Variants in ZNF516 observed in about 807,000 individuals in gnomAD.
The protein encoded by ZNF516 is zinc finger protein 516.
ZNF516 carries 19 observed loss-of-function variants against 79.7 expected under a neutral mutation model. The ratio of observed to expected loss-of-function variants is 0.24; its 90% CI spans 0.17 to 0.35. The LOEUF (loss-of-function observed/expected upper bound fraction) is 0.35. Ranked by LOEUF, ZNF516 falls within the 10% of genes least tolerant of loss-of-function variation. The pLI, the probability that ZNF516 is intolerant of heterozygous loss-of-function variation, is 1.00. For missense variants in ZNF516, 1,678 were observed against 1,679.5 expected (o/e 1.00, Z 0.02); for synonymous variants, 877 against 739.5 (o/e 1.19, Z -3.02).
At position 76,442,390 on chromosome 18, in the gene ZNF516, T is replaced by G; in HGVS notation, c.665A>C (p.Asp222Ala). Residue 222 changes from aspartate (D) to alanine (A), a missense_variant, in exon 3 of 7, where the codon GAC becomes GCC. Coordinates refer to ENST00000443185, the MANE Select transcript of ZNF516 (RefSeq NM_014643.4). Reference sequence around the variant, plus strand: ...GCCGGGCCCCTGCGCGGTGATGTGGTCCCTCTCGATGTGGCTCAGCAGCGA... The same window carrying G: ...GCCGGGCCCCTGCGCGGTGATGTGGGCCCTCTCGATGTGGCTCAGCAGCGA... The part of the protein sequence containing the change: ...EESLLSHIER[D>A]HITAQGPGSG... 6.2e-7 allele frequency: 1 copy of G among 1,608,512 alleles called. No homozygotes were observed. The highest frequency in any genetic ancestry group is 8.5e-7 in the Non-Finnish European group (1 of 1,179,604).
chr18:76,464,971 G>A (rs978775048), intron 1 of ZNF516, among the ~76,000 whole-genome samples: 5 of 152,136 alleles, frequency 3.3e-5, no homozygotes, highest in South Asian at 2.1e-4. Context: ...GGATACAGCC[G>A]TGCATCCGAT....
intron 3 of ZNF516, among the ~76,000 whole-genome samples, chr18:76,385,163 C>T (rs561139033): frequency 3.4e-4 from 52 of 152,326 alleles, no homozygotes; most frequent in Non-Finnish European, 4.6e-4. Flanking sequence ...GCTCTGTCCT[C>T]GGCTCAAACA....
chr18:76,422,444 T>G (rs1451614776), intron 3 of ZNF516, among the ~76,000 whole-genome samples: 1 of 152,266 alleles, frequency 6.6e-6, no homozygotes, highest in African/African-American at 2.4e-5. Context: ...AAGCTAAATG[T>G]AGGATTCAGA....
At chr18:76,418,916 G>A (rs1346044598) in intron 3 of ZNF516, among the ~76,000 whole-genome samples, 1 of 152,266 alleles carries the variant, frequency 6.6e-6, no homozygotes, top group Non-Finnish European at 1.5e-5. Context: ...CTGCAGGGCA[G>A]ATGGGTGCCC....
At chr18:76,369,905 G>GC (rs2074674731) in intron 6 of ZNF516, among the ~76,000 whole-genome samples, 1 of 152,216 alleles carries the variant, frequency 6.6e-6, no homozygotes, top group African/African-American at 2.4e-5. Context: ...CCCGCTGCGG[G>GC]CTGTGGGTGC....
chr18:76,399,618 G>C (rs1377406530), intron 3 of ZNF516, among the ~76,000 whole-genome samples: 1 of 152,224 alleles, frequency 6.6e-6, no homozygotes, highest in East Asian at 1.9e-4. Context: ...CGAAAGCCTG[G>C]GTGCGTTCTA....
At chr18:76,396,450 T>G (rs1444094432) in intron 3 of ZNF516, among the ~76,000 whole-genome samples, 1 of 152,152 alleles carries the variant, frequency 6.6e-6, no homozygotes, top group Non-Finnish European at 1.5e-5. Context: ...ATTTCAGCAT[T>G]TACTTTTAAT....
In ZNF516 at chr18:76,360,646, A is replaced by AAATAT. The variant is rs373540251; in HGVS notation, c.*1851_*1852insATATT. ...AAAAAAATAAGTAAAAAAAAAAAAA[A>AAATAT]ATATATATATATATATATATATATA... On this transcript the variant is annotated 3_prime_UTR_variant, in exon 7 of 7. Coordinates refer to ENST00000443185, the MANE Select transcript of ZNF516 (RefSeq NM_014643.4). 4.4e-4 allele frequency: 32 copies of AAATAT among 72,462 alleles called. No homozygotes were observed. Among genetic ancestry groups the AAATAT allele is most frequent in the Middle Eastern group, 8.5e-3 (1 of 118 alleles). 4.5% of individuals were successfully genotyped at this position (72,462 alleles called of 1,614,324 possible). A position where few individuals can be genotyped will look rare whatever the true frequency, so the allele number is the denominator to read the frequency against.
chr18:76,426,646 GAATTA>G (rs199900821), intron 3 of ZNF516, among the ~76,000 whole-genome samples: 2,005 of 152,100 alleles, frequency 0.013, 24 homozygotes, highest in Non-Finnish European at 0.022. Flanking sequence ...TTATTTGAAT[GAATTA>G]AAGAAAGCCG....
chr18:76,495,613 G>T, upstream of ZNF516: 1 of 510,150 alleles, frequency 2.0e-6, no homozygotes, highest in Non-Finnish European at 2.9e-6. Context: ...GCGGCCAGTG[G>T]TCGCCCCTCG....
intron 2 of ZNF516, among the ~76,000 whole-genome samples, chr18:76,445,965 CCAGCTGTGTGCCAG>C (rs1159111168): frequency 6.6e-6 from 1 of 152,252 alleles, no homozygotes; most frequent in Non-Finnish European, 1.5e-5. Flanking sequence ...TCTGTGCCAG[CCAGCTGTGTGCCAG>C]CAGCTGTGCA....
intron 3 of ZNF516, among the ~76,000 whole-genome samples, chr18:76,397,070 A>G (rs1165326867): frequency 6.6e-6 from 1 of 152,234 alleles, no homozygotes; most frequent in Non-Finnish European, 1.5e-5. Flanking sequence ...CGGGGGACAC[A>G]TAATTGCTTT....
intron 2 of ZNF516, among the ~76,000 whole-genome samples, chr18:76,461,758 C>T (rs939513583): frequency 6.6e-6 from 1 of 152,170 alleles, no homozygotes; most frequent in African/African-American, 2.4e-5. Flanking sequence ...ATGCAGGGAC[C>T]GCACGGGAAC....
chr18:76,423,898 C>T (rs1361516344), intron 3 of ZNF516, among the ~76,000 whole-genome samples: 6 of 118,084 alleles, frequency 5.1e-5, no homozygotes, highest in Admixed American at 1.7e-4. Context: ...CCGAAACACA[C>T]GCAGGTGAAA....
intron 3 of ZNF516, among the ~76,000 whole-genome samples, chr18:76,409,135 A>G (rs920972669): frequency 1.1e-4 from 17 of 151,870 alleles, no homozygotes; most frequent in African/African-American, 3.9e-4. Context: ...TTACATAGCT[A>G]AAGTGGAAGA....
intron 3 of ZNF516, among the ~76,000 whole-genome samples, chr18:76,391,253 G>GCAGTAC (rs2075070093): frequency 1.3e-5 from 2 of 152,248 alleles, no homozygotes; most frequent in South Asian, 4.1e-4. Flanking sequence ...ACTACCATAA[G>GCAGTAC]CACAAGCCAA....
intron 1 of ZNF516, among the ~76,000 whole-genome samples, chr18:76,475,297 C>A (rs1311176087): frequency 6.6e-6 from 1 of 152,126 alleles, no homozygotes; most frequent in African/African-American, 2.4e-5. Context: ...TAATCACTTA[C>A]GATTTTTAAA....
Position 76,377,715 on chromosome 18 carries a change from A to ATTTTTTTTT in ZNF516, c.3259+1131_3259+1139dup, listed in dbSNP as rs1213742643. The stretch of plus-strand genomic sequence containing the variant: ...TAAGAAACCACAGGCTTACAACGTT[A>ATTTTTTTTT]TTTTTTTTTTTTTTTTTTGAGATGG... On this transcript the variant is annotated intron_variant, in intron 4 of 6. Transcript: ENST00000443185. 7.2e-4 allele frequency among the ~76,000 whole-genome samples: 96 copies of ATTTTTTTTT among 133,616 alleles called. 2 individuals carry two copies. Among genetic ancestry groups the ATTTTTTTTT allele is most frequent in the Non-Finnish European group, 1.2e-3 (72 of 62,172 alleles). 87.7% of individuals were successfully genotyped at this position (133,616 alleles called of 152,430 possible).
intron 1 of ZNF516, among the ~76,000 whole-genome samples, chr18:76,475,838 A>G (rs1460291104): frequency 6.6e-6 from 1 of 152,234 alleles, no homozygotes; most frequent in Non-Finnish European, 1.5e-5. Context: ...CTCACAGAAC[A>G]TTGTACCATT....
Sources: allele counts gnomAD v4.1 joint callset (sites outside exome capture counted in the v4.1 genomes callset), GRCh38; gene constraint gnomAD v4.1.1; transcripts MANE v1.5; gene names NCBI Gene and HGNC (gene_info 2026-07-23, HGNC 2026-07-21).